Variants in MARCHF1 observed in about 807,000 individuals in gnomAD.
The protein encoded by MARCHF1 is membrane associated ring-CH-type finger 1.
In MARCHF1, 40 loss-of-function variants were observed where a neutral mutation model predicts 54.2. The observed-to-expected ratio is 0.74, with a 90% CI of 0.57 to 0.96. The LOEUF (loss-of-function observed/expected upper bound fraction) is 0.96, where lower values mean the gene tolerates loss of function less well. Among genes scored for constraint, MARCHF1 ranks in the 40% least tolerant of loss-of-function variants. The pLI is 0.00. For synonymous variants in MARCHF1, 236 were observed against 236.3 expected (o/e 1.00, Z 0.01); for missense variants, 586 against 656.5 (o/e 0.89, Z 1.17).
At chr4:164,274,833 T>C (rs1246031557) in intron 1 of MARCHF1, among the ~76,000 whole-genome samples, 4 of 151,312 alleles carry the variant, frequency 2.6e-5, no homozygotes, top group South Asian at 2.1e-4. Flanking sequence ...CCCGCCACTA[T>C]GCCCTGCTAA....
At chr4:163,578,249 T>C (rs1740103089) in intron 8 of MARCHF1, among the ~76,000 whole-genome samples, 1 of 152,126 alleles carries the variant, frequency 6.6e-6, no homozygotes, top group Non-Finnish European at 1.5e-5. Context: ...TGTATCCTTT[T>C]ACAGTTAAGC....
chr4:163,797,427 C>T (rs992954443), intron 4 of MARCHF1, among the ~76,000 whole-genome samples: 2 of 151,820 alleles, frequency 1.3e-5, no homozygotes, highest in Non-Finnish European at 2.9e-5. Context: ...GTATTTTCAA[C>T]AATTCTTGAA....
intron 3 of MARCHF1, among the ~76,000 whole-genome samples, chr4:163,985,510 G>T (rs982546467): frequency 3.9e-5 from 6 of 151,976 alleles, no homozygotes; most frequent in South Asian, 4.1e-4. Context: ...AAATATAAAA[G>T]ATCTATGCTG....
intron 7 of MARCHF1, among the ~76,000 whole-genome samples, chr4:163,607,602 C>G (rs1334953330): frequency 6.6e-6 from 1 of 152,006 alleles, no homozygotes; most frequent in Non-Finnish European, 1.5e-5. Flanking sequence ...ATGTGAAGTA[C>G]AGGAATGTAA....
At chr4:163,779,813 C>G (rs908162607) in intron 4 of MARCHF1, among the ~76,000 whole-genome samples, 6 of 152,068 alleles carry the variant, frequency 3.9e-5, no homozygotes, top group Non-Finnish European at 8.8e-5. Flanking sequence ...CCACTGCCTA[C>G]TTGAAAAAAA....
At chr4:164,026,721 T>G (rs1187630347) in intron 2 of MARCHF1, among the ~76,000 whole-genome samples, 1 of 152,066 alleles carries the variant, frequency 6.6e-6, no homozygotes, top group Non-Finnish European at 1.5e-5. Context: ...AACATAGTAC[T>G]GGAAGTCCTA....
chr4:164,043,521 A>G (rs1267439317), intron 2 of MARCHF1, among the ~76,000 whole-genome samples: 1 of 151,856 alleles, frequency 6.6e-6, no homozygotes, highest in Non-Finnish European at 1.5e-5. Flanking sequence ...AGCCTGGCCC[A>G]TAAACCATTT....
intron 3 of MARCHF1, among the ~76,000 whole-genome samples, chr4:163,896,556 ACTT>A (rs1560808996): frequency 6.6e-6 from 1 of 151,994 alleles, no homozygotes. Context: ...CCTCTACGAC[ACTT>A]CTTCTTTTCG....
chr4:163,719,910 G>C (rs1220022061), intron 4 of MARCHF1, among the ~76,000 whole-genome samples: 1 of 151,972 alleles, frequency 6.6e-6, no homozygotes, highest in Non-Finnish European at 1.5e-5. Context: ...TGAGTTCTTT[G>C]TAGATTCTGG....
intron 2 of MARCHF1, among the ~76,000 whole-genome samples, chr4:164,021,867 T>TTATATA (rs375853031): frequency 0.074 from 10,917 of 146,670 alleles, 541 homozygotes; most frequent in South Asian, 0.2. Context: ...AAAAAAAAAA[T>TTATATA]TATATATATA....
intron 5 of MARCHF1, among the ~76,000 whole-genome samples, chr4:163,700,576 G>GGAAC (rs1744781200): frequency 2.1e-5 from 3 of 139,614 alleles, no homozygotes; most frequent in African/African-American, 5.3e-5. Flanking sequence ...AAGGAAGGAA[G>GGAAC]GAAGGAAGGA....
At chr4:164,357,705 T>A (rs1730602185) in intron 1 of MARCHF1, among the ~76,000 whole-genome samples, 1 of 152,140 alleles carries the variant, frequency 6.6e-6, no homozygotes, top group Non-Finnish European at 1.5e-5. Context: ...CTTATAATGA[T>A]GAAGGCATTG....
At chr4:164,180,678 A>G (rs1730809538) in intron 1 of MARCHF1, among the ~76,000 whole-genome samples, 1 of 152,210 alleles carries the variant, frequency 6.6e-6, no homozygotes, top group African/African-American at 2.4e-5. Context: ...CTGGGCATCC[A>G]AAATTCACCC....
At chr4:163,696,105 G>T (rs1383469529) in intron 5 of MARCHF1, among the ~76,000 whole-genome samples, 2 of 151,994 alleles carry the variant, frequency 1.3e-5, no homozygotes, top group African/African-American at 4.8e-5. Context: ...GAAAGAAAGA[G>T]AGAATCATAG....
chr4:163,978,436 C>A (rs908442615), intron 3 of MARCHF1, among the ~76,000 whole-genome samples: 1 of 152,004 alleles, frequency 6.6e-6, no homozygotes, highest in African/African-American at 2.4e-5. Context: ...TTATTTTATC[C>A]GAGTAAATCT....
intron 8 of MARCHF1, chr4:163,583,814 T>TC: frequency 9.1e-6 from 1 of 110,304 alleles, no homozygotes; most frequent in African/African-American, 3.7e-5. Context: ...CATGCCAGGT[T>TC]AATTTTTTTT....
intron 4 of MARCHF1, among the ~76,000 whole-genome samples, chr4:163,767,225 C>A (rs555318679): frequency 1.3e-5 from 2 of 151,478 alleles, no homozygotes; most frequent in African/African-American, 4.8e-5. Flanking sequence ...GCAATCCAGA[C>A]AGAAAAACTT....
At chr4:164,039,301 C>T (rs1386113979) in intron 2 of MARCHF1, among the ~76,000 whole-genome samples, 4 of 151,934 alleles carry the variant, frequency 2.6e-5, no homozygotes, top group African/African-American at 9.7e-5. Context: ...CCTTATGGAA[C>T]TGCTTGCCTC....
intron 5 of MARCHF1, among the ~76,000 whole-genome samples, chr4:163,679,751 T>C (rs1443867621): frequency 6.6e-6 from 1 of 151,992 alleles, no homozygotes; most frequent in African/African-American, 2.4e-5. Context: ...TAGCTGGGAC[T>C]ACGGGCGCCC....
Sources: allele counts gnomAD v4.1 joint callset (sites outside exome capture counted in the v4.1 genomes callset), GRCh38; gene constraint gnomAD v4.1.1; transcripts MANE v1.5; gene names NCBI Gene and HGNC (gene_info 2026-07-23, HGNC 2026-07-21).